The following PTPN9 variants were observed in gnomAD, a reference collection of about 807,000 sequenced individuals.
PTPN9 encodes the protein tyrosine-protein phosphatase non-receptor type 9.
A neutral mutation model predicts 69.8 loss-of-function variants in PTPN9; 26 were observed. The observed-to-expected ratio is 0.37, with a 90% CI of 0.27 to 0.52. The LOEUF (loss-of-function observed/expected upper bound fraction) is 0.52, where lower values mean the gene tolerates loss of function less well. PTPN9 is among the 20% of genes least tolerant of loss of function. PTPN9 has a pLI of 0.91. For missense variants in PTPN9, 549 were observed against 740.3 expected (o/e 0.74, Z 3.00); for synonymous variants, 274 against 272.5 (o/e 1.01, Z -0.05).
intron 8 of PTPN9, 23 bp from the exon 9 acceptor site, chr15:75,479,937 A>G (rs773815753): frequency 6.5e-7 from 1 of 1,527,006 alleles, no homozygotes; most frequent in South Asian, 1.2e-5. Context: ...AGGAGACATC[A>G]CTATAGCTAC....
At chr15:75,532,018 G>A (rs928086955) in intron 1 of PTPN9, among the ~76,000 whole-genome samples, 4 of 152,028 alleles carry the variant, frequency 2.6e-5, no homozygotes, top group African/African-American at 7.2e-5. Context: ...AATAATCAAC[G>A]GATAAATCAA....
intron 1 of PTPN9, among the ~76,000 whole-genome samples, chr15:75,558,740 G>A (rs1410925097): frequency 5.9e-5 from 9 of 152,160 alleles, no homozygotes; most frequent in Non-Finnish European, 1.2e-4. Context: ...TGTGTTGGCC[G>A]GGCTGGTCTC....
rs941847446 is a variant in PTPN9 at position 75,579,014 on chromosome 15, C to G, written c.-238G>C. ...AAATCCTTTTTTATATTATTCGCTC[C>G]GTTCCTCACACTCCCCCTTATCTCC... On this transcript the variant is annotated 5_prime_UTR_variant, in exon 1 of 13. Transcript: ENST00000618819. 2.3e-5 allele frequency: 6 copies of G among 260,070 alleles called. No homozygotes were observed. Among genetic ancestry groups the G allele is most frequent in the East Asian group, 1.4e-4 (2 of 13,796 alleles). The allele number at this position is 260,070 out of a possible 1,614,324, so 16.1% of individuals were successfully genotyped here. A position where few individuals can be genotyped will look rare whatever the true frequency, so the allele number is the denominator to read the frequency against.
intron 2 of PTPN9, 70 bp downstream of exon 2, chr15:75,527,048 G>T: frequency 6.4e-7 from 1 of 1,566,232 alleles, no homozygotes; most frequent in South Asian, 1.1e-5. Flanking sequence ...TGTGTGTGTC[G>T]AGCATGACAG....
intron 8 of PTPN9, among the ~76,000 whole-genome samples, chr15:75,482,123 C>G (rs1235523776): frequency 6.6e-6 from 1 of 151,424 alleles, no homozygotes; most frequent in Non-Finnish European, 1.5e-5. Context: ...AGAAAAATTC[C>G]TCTGCCTTGG....
rs1234726465 is a variant in PTPN9 at position 75,463,837 on chromosome 15, G to T, written c.*4932C>A. The stretch of plus-strand genomic sequence containing the variant: ...GGATACCTCCTAAGAGAAAAAGATG[G>T]TTCCCAGGCTGATGGGCATTTCCAT... On this transcript the variant is annotated 3_prime_UTR_variant, in exon 13 of 13. Transcript: ENST00000618819. 6.6e-6 allele frequency: 1 copy of T among 152,254 alleles called. No individual in the cohort carries two copies. The highest frequency in any genetic ancestry group is 2.4e-5 in the African/African-American group (1 of 41,446). The allele number at this position is 152,254 out of a possible 1,614,324, so 9.4% of individuals were successfully genotyped here.
Position 75,464,523 on chromosome 15 carries a change from A to G in PTPN9, c.*4246T>C, listed in dbSNP as rs574823512. The G allele has an allele frequency of 6.6e-6, 1 of 152,238 alleles. No individual in the cohort carries two copies. 9.4% of individuals were successfully genotyped at this position (152,238 alleles called of 1,614,324 possible). On this transcript the variant is annotated 3_prime_UTR_variant, in exon 13 of 13. Transcript: ENST00000618819. ...AACAAAGAACTGGACCCTGACAGTCAGAGGACCCATGGTAGGATCATCTAG... is the reference window on the plus strand; with the variant it reads ...AACAAAGAACTGGACCCTGACAGTCGGAGGACCCATGGTAGGATCATCTAG...
At position 75,509,308 on chromosome 15, in the gene PTPN9, C is replaced by T. The variant is rs149767928; in HGVS notation, c.529-281G>A. Among the ~76,000 whole-genome samples, 296 of 152,302 alleles carry T rather than the reference C, an allele frequency of 1.9e-3. 1 individual carries two copies. The highest frequency in any genetic ancestry group is 6.8e-3 in the African/African-American group (281 of 41,566). ...CATCTCAACAGATATCCTACACATA[C>T]CACACATCAGCATACATATATGCCT... On this transcript the variant is annotated intron_variant, in intron 5 of 12. Coordinates refer to ENST00000618819, the MANE Select transcript of PTPN9 (RefSeq NM_002833.4).
At chr15:75,568,674 GAA>G (rs112208881) in intron 1 of PTPN9, among the ~76,000 whole-genome samples, 1 of 138,964 alleles carries the variant, frequency 7.2e-6, no homozygotes, top group Non-Finnish European at 1.6e-5. Flanking sequence ...CATCTCTTTA[GAA>G]AAAAAAAAAA....
intron 1 of PTPN9, among the ~76,000 whole-genome samples, chr15:75,546,032 C>T (rs1312259301): frequency 6.6e-6 from 1 of 152,178 alleles, no homozygotes; most frequent in Non-Finnish European, 1.5e-5. Flanking sequence ...TCTGGCAGAA[C>T]TGTGAACACA....
intron 7 of PTPN9, among the ~76,000 whole-genome samples, chr15:75,504,427 A>G (rs1170675513): frequency 9.1e-6 from 1 of 110,204 alleles, no homozygotes; most frequent in African/African-American, 3.6e-5. Context: ...TCCGGGAGGG[A>G]GGTGGGGGGA....
chr15:75,510,641 CT>C (rs201005354), intron 5 of PTPN9, among the ~76,000 whole-genome samples: 555 of 141,924 alleles, frequency 3.9e-3, no homozygotes, highest in Admixed American at 7.4e-3. Context: ...AGAAAAAGTA[CT>C]TTTTTTTTTT....
At chr15:75,473,667 T>C in intron 10 of PTPN9, 22 bp downstream of exon 10, 1 of 1,527,604 alleles carries the variant, frequency 6.5e-7, no homozygotes, top group Non-Finnish European at 9.1e-7. Context: ...TGGAGACCTT[T>C]GGAAAAAAGG....
intron 1 of PTPN9, among the ~76,000 whole-genome samples, chr15:75,549,195 T>C (rs2141334330): frequency 6.6e-6 from 1 of 152,242 alleles, no homozygotes; most frequent in East Asian, 1.9e-4. Flanking sequence ...TTATAAATTA[T>C]TCCAATTTCA....
intron 4 of PTPN9, among the ~76,000 whole-genome samples, chr15:75,522,412 A>G: frequency 6.6e-6 from 1 of 150,722 alleles, no homozygotes; most frequent in Non-Finnish European, 1.5e-5. Flanking sequence ...TTTTTTTGAG[A>G]CAGGTCTTGC....
Position 75,467,426 on chromosome 15 carries a change from T to A in PTPN9, c.*1343A>T, listed in dbSNP as rs2074541386. Reference sequence around the variant, plus strand: ...TTTATCCCTAGCACATAAGGATGAGTGGGCTGGGAGCAGGCAGGGACAGGT... The same window carrying A: ...TTTATCCCTAGCACATAAGGATGAGAGGGCTGGGAGCAGGCAGGGACAGGT... On this transcript the variant is annotated 3_prime_UTR_variant, in exon 13 of 13. Transcript: ENST00000618819. The A allele has an allele frequency of 6.6e-6, 1 of 152,298 alleles. No homozygotes were observed. The highest frequency in any genetic ancestry group is 6.6e-5 in the Admixed American group (1 of 15,236). The allele number at this position is 152,298 out of a possible 1,614,324, so 9.4% of individuals were successfully genotyped here. A position where few individuals can be genotyped will look rare whatever the true frequency, so the allele number is the denominator to read the frequency against.
intron 2 of PTPN9, among the ~76,000 whole-genome samples, chr15:75,525,996 CTCTT>C (rs1213496943): frequency 6.6e-6 from 1 of 151,198 alleles, no homozygotes; most frequent in African/African-American, 2.4e-5. Context: ...TGTTTATTTT[CTCTT>C]TCTTTTTTTT....
chr15:75,482,921 C>T (rs1253772434), intron 8 of PTPN9, among the ~76,000 whole-genome samples: 2 of 151,838 alleles, frequency 1.3e-5, no homozygotes, highest in South Asian at 2.1e-4. Flanking sequence ...TGCCACTGCA[C>T]TCCAGCCTGA....
intron 1 of PTPN9, among the ~76,000 whole-genome samples, chr15:75,569,209 A>C (rs1157216967): frequency 6.6e-6 from 1 of 152,204 alleles, no homozygotes; most frequent in Non-Finnish European, 1.5e-5. Context: ...TGAACAAATA[A>C]TCAGGGTTAG....
Sources: gnomAD v4.1 joint callset for allele counts (sites outside exome capture counted in the v4.1 genomes callset) on GRCh38, gnomAD v4.1.1 for gene constraint, MANE v1.5 for transcripts, NCBI Gene and HGNC (gene_info 2026-07-23, HGNC 2026-07-21) for gene names.